The following FOXP2 variants were observed in gnomAD, a reference collection of about 807,000 sequenced individuals.
FOXP2 encodes the protein forkhead box protein P2.
Under a neutral mutation model 115.8 loss-of-function variants are expected in FOXP2, and 12 were observed. The ratio of observed to expected loss-of-function variants is 0.10; its 90% confidence interval spans 0.07 to 0.17. The LOEUF (loss-of-function observed/expected upper bound fraction) is 0.17, where lower values mean the gene tolerates loss of function less well. Ranked by LOEUF, FOXP2 falls within the 10% of genes least tolerant of loss-of-function variation. FOXP2 has a pLI of 1.00. For missense variants in FOXP2, 629 were observed against 843.5 expected (o/e 0.75, Z 3.15); for synonymous variants, 328 against 297.7 (o/e 1.10, Z -1.05).
In FOXP2 at chr7:114,693,727, C is replaced by T. The variant is rs1429020071; in HGVS notation, c.*3801C>T. ...CCATTTCATTCACTTGATTACATTT[C>T]TGAAGTATAAATAAAAAAATCTAAT... On this transcript the variant is annotated 3_prime_UTR_variant, in exon 17 of 17. Coordinates refer to ENST00000350908, the MANE Select transcript of FOXP2 (RefSeq NM_014491.4). The T allele has an allele frequency of 3.2e-6, 1 of 316,220 alleles. No homozygotes were observed. Among genetic ancestry groups the T allele is most frequent in the African/African-American group, 2.2e-5 (1 of 45,292 alleles). 19.6% of individuals were successfully genotyped at this position (316,220 alleles called of 1,614,324 possible).
At chr7:114,596,483 G>A (rs1235141323) in intron 3 of FOXP2, among the ~76,000 whole-genome samples, 1 of 152,048 alleles carries the variant, frequency 6.6e-6, no homozygotes, top group Admixed American at 6.6e-5. Context: ...GGCTGATTGT[G>A]ACACTAATCA....
At chr7:114,178,746 T>A (rs1171572038) in intron 1 of FOXP2, among the ~76,000 whole-genome samples, 1 of 151,844 alleles carries the variant, frequency 6.6e-6, no homozygotes, top group Non-Finnish European at 1.5e-5. Context: ...TTACTATTTC[T>A]TTTTTTATAA....
chr7:114,378,811 G>C (rs1456812003), intron 2 of FOXP2, among the ~76,000 whole-genome samples: 1 of 149,058 alleles, frequency 6.7e-6, no homozygotes, highest in East Asian at 1.9e-4. Context: ...TTAAGGCACT[G>C]CTTGTTGCTT....
chr7:114,498,360 AT>A (rs1383434666), intron 2 of FOXP2, among the ~76,000 whole-genome samples: 1 of 152,180 alleles, frequency 6.6e-6, no homozygotes, highest in Non-Finnish European at 1.5e-5. Context: ...ATAAATATTT[AT>A]TGACTACCTA....
chr7:114,147,947 C>T (rs1023791034), intron 1 of FOXP2, among the ~76,000 whole-genome samples: 1 of 152,158 alleles, frequency 6.6e-6, no homozygotes, highest in Non-Finnish European at 1.5e-5. Flanking sequence ...ATCAGTATCA[C>T]TTCTGGAAGC....
chr7:114,621,812 C>A (rs1266607752), intron 3 of FOXP2, among the ~76,000 whole-genome samples: 1 of 151,964 alleles, frequency 6.6e-6, no homozygotes, highest in Non-Finnish European at 1.5e-5. Flanking sequence ...GAGTTTCAGT[C>A]TTTATCAATA....
chr7:114,203,735 T>G (rs897368233), intron 1 of FOXP2, among the ~76,000 whole-genome samples: 4 of 152,180 alleles, frequency 2.6e-5, no homozygotes, highest in Admixed American at 6.5e-5. Flanking sequence ...TACTGTTCTC[T>G]CCAACTAACT....
At chr7:114,660,683 T>C (rs996969087) in intron 13 of FOXP2, among the ~76,000 whole-genome samples, 27 of 152,176 alleles carry the variant, frequency 1.8e-4, no homozygotes, top group African/African-American at 5.3e-4. Context: ...ATATTTTATA[T>C]GATGAAAATG....
chr7:114,225,361 G>T (rs183541101), intron 1 of FOXP2, among the ~76,000 whole-genome samples: 1 of 151,260 alleles, frequency 6.6e-6, no homozygotes, highest in East Asian at 2.0e-4. Context: ...TTAACTATTG[G>T]TTCATCTTAC....
intron 1 of FOXP2, among the ~76,000 whole-genome samples, chr7:114,131,187 C>G (rs1791865574): frequency 6.6e-6 from 1 of 152,180 alleles, no homozygotes; most frequent in Admixed American, 6.5e-5. Context: ...GGTAGAGTGA[C>G]TGCTTTTGAT....
intron 1 of FOXP2, among the ~76,000 whole-genome samples, chr7:114,205,351 A>G (rs1794172918): frequency 6.6e-6 from 1 of 152,178 alleles, no homozygotes; most frequent in Admixed American, 6.5e-5. Flanking sequence ...TTTCTGGACT[A>G]AAAGAGTATA....
chr7:114,473,497 A>T (rs532791491), intron 2 of FOXP2, among the ~76,000 whole-genome samples: 15 of 152,288 alleles, frequency 9.8e-5, no homozygotes, highest in African/African-American at 3.6e-4. Context: ...AGATTCAAAG[A>T]TCTAGTTTTG....
chr7:114,652,135 T>A (rs772814187), intron 8 of FOXP2, 68 bp from the exon 9 acceptor site: 2 of 1,443,414 alleles, frequency 1.4e-6, no homozygotes, highest in Non-Finnish European at 1.9e-6. Flanking sequence ...TAGTGCTTTT[T>A]AAGTGTAGCC....
chr7:114,175,380 C>G (rs1021120018), intron 1 of FOXP2, among the ~76,000 whole-genome samples: 1 of 152,032 alleles, frequency 6.6e-6, no homozygotes, highest in Non-Finnish European at 1.5e-5. Flanking sequence ...TCGACTCATA[C>G]CATGATTATT....
At chr7:114,429,181 G>A (rs901265235) in intron 2 of FOXP2, among the ~76,000 whole-genome samples, 1 of 151,366 alleles carries the variant, frequency 6.6e-6, no homozygotes, top group South Asian at 2.1e-4. Flanking sequence ...GGAATGAATC[G>A]CATCAAATAC....
At chr7:114,107,517 T>C (rs1335861633) in intron 1 of FOXP2, among the ~76,000 whole-genome samples, 1 of 151,922 alleles carries the variant, frequency 6.6e-6, no homozygotes, top group African/African-American at 2.4e-5. Context: ...GTCTCTCCCC[T>C]CCCCTTCAGT....
intron 1 of FOXP2, among the ~76,000 whole-genome samples, chr7:114,207,799 C>A (rs1380340316): frequency 1.3e-5 from 2 of 152,124 alleles, no homozygotes; most frequent in Non-Finnish European, 2.9e-5. Context: ...ACAATAGGAC[C>A]TAACTCTTAG....
chr7:114,282,000 A>G (rs1440219910), intron 1 of FOXP2, among the ~76,000 whole-genome samples: 2 of 152,156 alleles, frequency 1.3e-5, no homozygotes, highest in African/African-American at 2.4e-5. Flanking sequence ...GATAATGCTT[A>G]CATGTTTCAC....
chr7:114,230,900 C>T (rs1794857807), intron 1 of FOXP2, among the ~76,000 whole-genome samples: 1 of 151,542 alleles, frequency 6.6e-6, no homozygotes, highest in East Asian at 1.9e-4. Context: ...AAAAGGCATA[C>T]ATAATGGAAA....
Sources: gnomAD v4.1 joint callset for allele counts (sites outside exome capture counted in the v4.1 genomes callset) on GRCh38, gnomAD v4.1.1 for gene constraint, MANE v1.5 for transcripts, NCBI Gene and HGNC (gene_info 2026-07-23, HGNC 2026-07-21) for gene names.